The following TRIM67 variants were observed in gnomAD, a reference collection of about 807,000 sequenced individuals.
The protein encoded by TRIM67 is tripartite motif containing 67, also known as tripartite motif-containing protein 67.
A neutral mutation model predicts 71.0 loss-of-function variants in TRIM67; 39 were observed. The observed-to-expected ratio is 0.55, with a 90% CI of 0.43 to 0.72. The LOEUF is 0.72. Among genes scored for constraint, TRIM67 ranks in the 30% least tolerant of loss-of-function variants. The pLI is 0.00. For missense variants in TRIM67, 973 were observed against 1,079.2 expected, an observed-to-expected ratio of 0.90 and a Z score of 1.38; for synonymous variants, 481 against 473.9, an observed-to-expected ratio of 1.01 and a Z score of -0.19.
chr1:231,205,062 G>A (rs564112235), intron 6 of TRIM67, among the ~76,000 whole-genome samples: 4 of 152,242 alleles, frequency 2.6e-5, no homozygotes, highest in East Asian at 3.9e-4. Flanking sequence ...TCGTCCACCC[G>A]AAACCAAGAG....
chr1:231,163,768 C>A lies in TRIM67; in HGVS notation c.799C>A (p.Pro267Thr), dbSNP rs1251153073. 1.4e-6 allele frequency: 2 copies of A among 1,479,702 alleles called. No individual in the cohort carries two copies. Among genetic ancestry groups the A allele is most frequent in the Non-Finnish European group, 9.0e-7 (1 of 1,115,200 alleles). The allele number at this position is 1,479,702 out of a possible 1,614,324, so 91.7% of individuals were successfully genotyped here. The change falls in exon 1 of 10, where the codon CCC becomes ACC. Residue 267 changes from proline to threonine, a missense_variant. Pro to Thr is a conservative substitution (Grantham distance 38). This residue lies in a region of TRIM67 where 795 missense variants were observed against 831.3 expected (regional missense o/e 0.96). Coordinates refer to ENST00000366653, the MANE Select transcript of TRIM67 (RefSeq NM_001004342.5). ...PPPPAEAASG[P>T]TGTAQGAPSG... ...GCCGCCCGCCGAGGCAGCCTCCGGG[C>A]CCACTGGCACCGCCCAGGGCGCCCC... is the stretch of plus-strand genomic sequence containing the variant.
intron 8 of TRIM67, among the ~76,000 whole-genome samples, chr1:231,212,744 A>G (rs1452109172): frequency 1.3e-5 from 2 of 152,118 alleles, no homozygotes; most frequent in African/African-American, 4.8e-5. Context: ...AAGGAAGGGA[A>G]GGAGAGTCTG....
chr1:231,176,906 C>CAAAAAAAAAAAAAAAAAAAAAAAAAAA (rs56115614), intron 1 of TRIM67, among the ~76,000 whole-genome samples: 7 of 74,394 alleles, frequency 9.4e-5, no homozygotes, highest in Non-Finnish European at 1.2e-4. Context: ...TACAATCTGG[C>CAAAAAAAAAAAAAAAAAAAAAAAAAAA]AAAAAAAAAA....
intron 1 of TRIM67, among the ~76,000 whole-genome samples, chr1:231,187,226 C>A (rs1235815255): frequency 6.6e-6 from 1 of 152,096 alleles, no homozygotes; most frequent in Non-Finnish European, 1.5e-5. Context: ...AGGGAAAAGA[C>A]CTGCCTCTGT....
At chr1:231,170,298 T>C (rs1160721506) in intron 1 of TRIM67, among the ~76,000 whole-genome samples, 1 of 152,184 alleles carries the variant, frequency 6.6e-6, no homozygotes, top group Non-Finnish European at 1.5e-5. Context: ...TTTTTCTTTT[T>C]AATATGCTTT....
In TRIM67 at chr1:231,185,494, G is replaced by T. The variant is rs546656255; in HGVS notation, c.1045-11877G>T. Among the ~76,000 whole-genome samples the T allele has an allele frequency of 2.5e-4, 38 of 151,926 alleles. No individual in the cohort carries two copies. In the South Asian group the frequency reaches 7.9e-3, roughly 32 times the overall value. ...GAGTGAGCCGGGATGAACAGGCAGC[G>T]AGGGGAGGCCACATCGAGAGTGAGA... On this transcript the variant is annotated intron_variant, in intron 1 of 9. Coordinates refer to ENST00000366653, the MANE Select transcript of TRIM67 (RefSeq NM_001004342.5).
chr1:231,210,243 G>A (rs188540106), intron 8 of TRIM67, among the ~76,000 whole-genome samples: 215 of 152,260 alleles, frequency 1.4e-3, no homozygotes, highest in Non-Finnish European at 1.8e-3. Flanking sequence ...CCTTGACTTC[G>A]CTGGGCCCCA....
chr1:231,219,432 A>G lies in TRIM67; in HGVS notation c.*3992A>G, dbSNP rs1011619876. On this transcript the variant is annotated 3_prime_UTR_variant, in exon 10 of 10. Transcript: ENST00000366653. ...GCGCTCCGGCTGCTTTGTTCCATAG[A>G]AAGCCTGTATGTGACAAAGCTGCCA... is the stretch of plus-strand genomic sequence containing the variant. The G allele has an allele frequency of 5.1e-5, 52 of 1,027,192 alleles. No individual in the cohort carries two copies. The African/African-American group carries it at 7.9e-4, about 16-fold the overall frequency. The allele number at this position is 1,027,192 out of a possible 1,614,324, so 63.6% of individuals were successfully genotyped here.
chr1:231,183,838 A>G (rs576211881), intron 1 of TRIM67, among the ~76,000 whole-genome samples: 3 of 152,328 alleles, frequency 2.0e-5, no homozygotes, highest in African/African-American at 7.2e-5. Context: ...AAATGAGGGC[A>G]GGGAGAGTAA....
At chr1:231,211,430 A>G (rs779202653) in intron 8 of TRIM67, among the ~76,000 whole-genome samples, 3 of 152,160 alleles carry the variant, frequency 2.0e-5, no homozygotes, top group Non-Finnish European at 2.9e-5. Context: ...TGGACCCCAG[A>G]GCTGACTGGG....
rs757594115 is a variant in TRIM67, at chr1:231,163,990, G to A, written c.1021G>A (p.Gly341Arg). The A allele has an allele frequency of 1.3e-6, 2 of 1,568,358 alleles. No individual in the cohort carries two copies. The highest frequency in any genetic ancestry group is 1.2e-5 in the South Asian group (1 of 84,186). Residue 341 changes from glycine (G) to arginine (R), a missense_variant, in exon 1 of 10, where the codon GGG becomes AGG. Transcript: ENST00000366653. ...RHAKHEVKPL[G>R]AMWKQHKAQL... ...CGCCAAGCACGAGGTGAAGCCGCTG[G>A]GGGCCATGTGGAAGCAGCACAAGGT...
Position 231,209,304 on chromosome 1 carries a change from G to A in TRIM67, c.2123+54G>A, listed in dbSNP as rs528269999. ...TGGACACAGGTTGTTTGGGAATGAGGGTCCTGAAGACCAGTGTCCCTTCTG... is the reference window on the plus strand; with the variant it reads ...TGGACACAGGTTGTTTGGGAATGAGAGTCCTGAAGACCAGTGTCCCTTCTG... On this transcript the variant is annotated intron_variant, in intron 8 of 9. Transcript: ENST00000366653. This position sits in a 1 kb window ranked among gnomAD's most constrained non-coding sequence, Gnocchi z 4.1. 4.1e-6 allele frequency: 6 copies of A among 1,476,782 alleles called. No homozygotes were observed. Among genetic ancestry groups the A allele is most frequent in the African/African-American group, 1.4e-5 (1 of 70,962 alleles). 91.5% of individuals were successfully genotyped at this position (1,476,782 alleles called of 1,614,324 possible).
At position 231,218,894 on chromosome 1, in the gene TRIM67, G is replaced by A. The variant is rs190796760; in HGVS notation, c.*3454G>A. 175 of 985,382 alleles carry A rather than the reference G, an allele frequency of 1.8e-4. No individual in the cohort carries two copies. The highest frequency in any genetic ancestry group is 2.0e-4 in the Non-Finnish European group (163 of 829,956). The allele number at this position is 985,382 out of a possible 1,614,324, so 61.0% of individuals were successfully genotyped here. On this transcript the variant is annotated 3_prime_UTR_variant, in exon 10 of 10. Coordinates refer to ENST00000366653, the MANE Select transcript of TRIM67 (RefSeq NM_001004342.5). ...CTCCCTCTTGGTGCCCCTGCCCTCCGCCCCACCACAGCACTCTCAGGAAAG... is the reference window on the plus strand; with the variant it reads ...CTCCCTCTTGGTGCCCCTGCCCTCCACCCCACCACAGCACTCTCAGGAAAG...
rs1268006037 is a variant in TRIM67 at position 231,163,354 on chromosome 1, C to T, written c.385C>T (p.Pro129Ser). Reference sequence around the variant, plus strand: ...GTCCCCCAACGGGGTTCGCGTGCTGCCCATGGTGCCCGCACCACCCGGCTC... The same window carrying T: ...GTCCCCCAACGGGGTTCGCGTGCTGTCCATGGTGCCCGCACCACCCGGCTC... ...LKSPNGVRVL[P>S]MVPAPPGSSA... Residue 129 changes from proline (P) to serine (S), a missense_variant, in exon 1 of 10, where the codon CCC becomes TCC. Physicochemically the swap from Pro to Ser is moderately conservative, Grantham distance 74. Around this residue, in one of 2 missense-constraint regions of TRIM67, gnomAD observed 795 missense variants for 831.3 expected, o/e 0.96. Transcript: ENST00000366653. The T allele has an allele frequency of 6.5e-7, 1 of 1,531,940 alleles. No individual in the cohort carries two copies. The highest frequency in any genetic ancestry group is 2.0e-5 in the Admixed American group (1 of 49,630). The allele number at this position is 1,531,940 out of a possible 1,614,324, so 94.9% of individuals were successfully genotyped here.
chr1:231,162,518 G>A lies in TRIM67; in HGVS notation c.-452G>A. ...TCACCCCGATAAGGAGTTGGGCCGG[G>A]GCAGAAGGGGGGCCTCGGGGTAGCC... On this transcript the variant is annotated 5_prime_UTR_variant, in exon 1 of 10. Coordinates refer to ENST00000366653, the MANE Select transcript of TRIM67 (RefSeq NM_001004342.5). 5.4e-6 allele frequency: 1 copy of A among 185,580 alleles called. No individual in the cohort carries two copies. The highest frequency in any genetic ancestry group is 1.1e-5 in the Non-Finnish European group (1 of 90,410). The allele number at this position is 185,580 out of a possible 1,614,324, so 11.5% of individuals were successfully genotyped here. A position where few individuals can be genotyped will look rare whatever the true frequency, so the allele number is the denominator to read the frequency against.
intron 1 of TRIM67, among the ~76,000 whole-genome samples, chr1:231,178,565 G>A (rs1295196435): frequency 6.6e-6 from 1 of 152,230 alleles, no homozygotes; most frequent in African/African-American, 2.4e-5. Flanking sequence ...GTCCTCTTGG[G>A]GTAGGGCTAA....
At chr1:231,179,681 CAAG>C (rs1258290969) in intron 1 of TRIM67, among the ~76,000 whole-genome samples, 1 of 152,138 alleles carries the variant, frequency 6.6e-6, no homozygotes, top group Non-Finnish European at 1.5e-5. Flanking sequence ...AACAACGAAA[CAAG>C]AAGAGAGCTG....
Position 231,199,142 on chromosome 1 carries a change from G to T in TRIM67, c.1236G>T (p.Val412=), listed in dbSNP as rs767284990. ...AGAAAGCCAAGCTGCTCACCAAGGT[G>T]ACTAAAGAGAGGGAACACAAGTTGA... The part of the protein sequence containing the change: ...TRQKAKLLTK[V]TKEREHKLKM... The change falls in exon 3 of 10, where the codon GTG becomes GTT. Residue 412 remains valine, a synonymous_variant. Transcript: ENST00000366653. 2 of 1,614,008 alleles carry T rather than the reference G, an allele frequency of 1.2e-6. No individual in the cohort carries two copies. Among genetic ancestry groups the T allele is most frequent in the Admixed American group, 3.3e-5 (2 of 60,024 alleles).
At position 231,200,260 on chromosome 1, in the gene TRIM67, T is replaced by G; in HGVS notation, c.1374+2T>G. On this transcript the variant is annotated splice_donor_variant, in intron 4 of 9. Coordinates refer to ENST00000366653, the MANE Select transcript of TRIM67 (RefSeq NM_001004342.5). LOFTEE classifies it high-confidence loss of function. Reference sequence around the variant, plus strand: ...AACGACCCCTCCGGGTTCTTACAGGTGAGCCTGTCCCTGGAAGACACAAAG... The same window carrying G: ...AACGACCCCTCCGGGTTCTTACAGGGGAGCCTGTCCCTGGAAGACACAAAG... 1 of 1,594,762 alleles carries G rather than the reference T, an allele frequency of 6.3e-7. No individual in the cohort carries two copies. Among genetic ancestry groups the G allele is most frequent in the Non-Finnish European group, 8.6e-7 (1 of 1,162,608 alleles).
Sources: allele counts gnomAD v4.1 joint callset (sites outside exome capture counted in the v4.1 genomes callset), GRCh38; gene constraint gnomAD v4.1.1; regional missense constraint gnomAD v4.1.1; non-coding constraint Gnocchi (gnomAD v3.1); transcripts MANE v1.5; gene names NCBI Gene and HGNC (gene_info 2026-07-23, HGNC 2026-07-21).